RGS7: variants seen among roughly 807,000 people sequenced by gnomAD.
The protein encoded by RGS7 is regulator of G protein signaling 7.
RGS7 carries 27 observed loss-of-function variants against 81.1 expected under a neutral mutation model. The observed-to-expected ratio is 0.33, with a 90% CI of 0.25 to 0.46. RGS7 has a LOEUF of 0.46. Among genes scored for constraint, RGS7 ranks in the 20% least tolerant of loss-of-function variants. The probability of loss-of-function intolerance (pLI) is 1.00; values close to 1 mark genes in which losing one functional copy is unlikely to be tolerated. For missense variants in RGS7, 396 were observed against 607.4 expected, an observed-to-expected ratio of 0.65 and a Z score of 3.66; for synonymous variants, 208 against 207.7, an observed-to-expected ratio of 1.00 and a Z score of -0.01.
chr1:241,331,229 C>T (rs2081959798), intron 2 of RGS7, among the ~76,000 whole-genome samples: 1 of 152,126 alleles, frequency 6.6e-6, no homozygotes, highest in Non-Finnish European at 1.5e-5. Context: ...GAAGTAACCA[C>T]AAGGTCTGCA....
chr1:240,986,571 A>ATTT (rs1172119682), intron 3 of RGS7, among the ~76,000 whole-genome samples: 210 of 4,348 alleles, frequency 0.048, 94 homozygotes, highest in Non-Finnish European at 0.055. Context: ...CACCACTATT[A>ATTT]TTTTTTTTTT....
At chr1:240,995,455 T>G (rs1414936705) in intron 3 of RGS7, among the ~76,000 whole-genome samples, 1 of 152,180 alleles carries the variant, frequency 6.6e-6, no homozygotes, top group African/African-American at 2.4e-5. Flanking sequence ...ACCATGAACC[T>G]GGAGATTTTG....
intron 9 of RGS7, among the ~76,000 whole-genome samples, chr1:240,838,159 T>C (rs1695016284): frequency 6.6e-6 from 1 of 152,180 alleles, no homozygotes; most frequent in South Asian, 2.1e-4. Context: ...AAGTTCAAGA[T>C]CAAGGCAGTG....
At chr1:241,335,290 T>A (rs1336642240) in intron 2 of RGS7, among the ~76,000 whole-genome samples, 1 of 152,202 alleles carries the variant, frequency 6.6e-6, no homozygotes, top group Non-Finnish European at 1.5e-5. Flanking sequence ...CAACAGATTG[T>A]CCAAATCAAG....
chr1:240,887,317 C>T (rs1488374807), intron 6 of RGS7, among the ~76,000 whole-genome samples: 1 of 149,608 alleles, frequency 6.7e-6, no homozygotes, highest in East Asian at 2.0e-4. Flanking sequence ...CAAGCTCTGC[C>T]TCCTGGGTTC....
At chr1:241,205,031 C>T (rs1308990365) in intron 2 of RGS7, among the ~76,000 whole-genome samples, 1 of 150,630 alleles carries the variant, frequency 6.6e-6, no homozygotes, top group Admixed American at 6.6e-5. Context: ...TCATAAAATT[C>T]AAGGATCAGT....
In RGS7 at chr1:241,149,854, C is replaced by T. The variant is rs558546943; in HGVS notation, c.79-51092G>A. ...GTAGTGGTGGGATCTCAGCTCACTG[C>T]AACCTCCACCTCCAGGGTTCACATG... On this transcript the variant is annotated intron_variant, in intron 2 of 18. Coordinates refer to ENST00000440928, the MANE Select transcript of RGS7 (RefSeq NM_001364886.1). Among the ~76,000 whole-genome samples, 3 of 152,300 alleles carry T rather than the reference C, an allele frequency of 2.0e-5. No individual in the cohort carries two copies. The East Asian group carries it at 5.8e-4, about 29-fold the overall frequency.
chr1:241,112,062 A>G (rs1005821743), intron 2 of RGS7, among the ~76,000 whole-genome samples: 1 of 152,158 alleles, frequency 6.6e-6, no homozygotes, highest in African/African-American at 2.4e-5. Flanking sequence ...ATTCGAGCTT[A>G]ATATTCTTAT....
At chr1:241,116,161 G>A (rs1056283263) in intron 2 of RGS7, among the ~76,000 whole-genome samples, 6 of 152,018 alleles carry the variant, frequency 3.9e-5, no homozygotes, top group Non-Finnish European at 8.8e-5. Flanking sequence ...CTTTATAGCA[G>A]TATGAGAATG....
intron 2 of RGS7, among the ~76,000 whole-genome samples, chr1:241,331,902 GA>G (rs1379602866): frequency 4.6e-5 from 7 of 152,190 alleles, no homozygotes; most frequent in African/African-American, 1.7e-4. Context: ...ATAACATGCT[GA>G]GGGATTTCAG....
At position 241,271,983 on chromosome 1, in the gene RGS7, CTTTTT is replaced by C. The variant is rs201307171; in HGVS notation, c.78+83711_78+83715del. Reference sequence around the variant, plus strand: ...TGGAGAACCCTGACTACTAGAATTTCTTTTTTTTTTTTTTTATTTTTATTTTTTGA... The same window carrying C: ...TGGAGAACCCTGACTACTAGAATTTCTTTTTTTTTTATTTTTATTTTTTGA... On this transcript the variant is annotated intron_variant, in intron 2 of 18. Transcript: ENST00000440928. The surrounding 1 kb of genome is among the most constrained non-coding windows in gnomAD (Gnocchi z 4.6). 8.1e-6 allele frequency among the ~76,000 whole-genome samples: 1 copy of C among 124,134 alleles called. No individual in the cohort carries two copies. The highest frequency in any genetic ancestry group is 3.1e-5 in the African/African-American group (1 of 32,696). The allele number at this position is 124,134 out of a possible 152,430, so 81.4% of individuals were successfully genotyped here.
intron 2 of RGS7, among the ~76,000 whole-genome samples, chr1:241,228,875 A>ACAGTATTGTAGTT (rs2075480683): frequency 6.6e-6 from 1 of 152,178 alleles, no homozygotes; most frequent in South Asian, 2.1e-4. Flanking sequence ...GAATAAAACA[A>ACAGTATTGTAGTT]TGAAATTTGG....
Position 241,182,388 on chromosome 1 carries a change from G to A in RGS7, c.79-83626C>T, listed in dbSNP as rs533527678. Among the ~76,000 whole-genome samples, 100 of 152,216 alleles carry A rather than the reference G, an allele frequency of 6.6e-4. 1 individual carries two copies. Among genetic ancestry groups the A allele is most frequent in the African/African-American group, 2.3e-3 (95 of 41,530 alleles). On this transcript the variant is annotated intron_variant, in intron 2 of 18. Coordinates refer to ENST00000440928, the MANE Select transcript of RGS7 (RefSeq NM_001364886.1). ...AATGGAGACAGTATGCACCTCACCA[G>A]GCAACTGAGAGAATTGAATGAAGTC...
intron 3 of RGS7, among the ~76,000 whole-genome samples, chr1:241,005,771 G>A (rs759906674): frequency 3.9e-5 from 6 of 152,038 alleles, no homozygotes; most frequent in South Asian, 2.1e-4. Flanking sequence ...TCCTGACCTC[G>A]TGATCCACCC....
chr1:241,156,833 T>C (rs2069192499), intron 2 of RGS7, among the ~76,000 whole-genome samples: 1 of 152,204 alleles, frequency 6.6e-6, no homozygotes, highest in African/African-American at 2.4e-5. Context: ...ATTCTGATTG[T>C]GGAGTTCCCT....
At chr1:241,188,527 T>A (rs1309947535) in intron 2 of RGS7, among the ~76,000 whole-genome samples, 1 of 152,176 alleles carries the variant, frequency 6.6e-6, no homozygotes, top group Non-Finnish European at 1.5e-5. Context: ...AAAAATATAT[T>A]TTTTTCTTTT....
At chr1:241,154,426 C>T (rs1368136362) in intron 2 of RGS7, among the ~76,000 whole-genome samples, 2 of 152,086 alleles carry the variant, frequency 1.3e-5, no homozygotes, top group Non-Finnish European at 2.9e-5. Context: ...GGGGTGAGTC[C>T]AGGGGAAGAA....
rs188815708 is a variant in RGS7 at position 241,311,852 on chromosome 1, C to T, written c.78+43847G>A. On this transcript the variant is annotated intron_variant, in intron 2 of 18. Transcript: ENST00000440928. ...GGAAAACAAAACCCCAAAATAATTA[C>T]ATGAAAATCAACTGGTTCTCTTTGT... Among the ~76,000 whole-genome samples the T allele has an allele frequency of 2.5e-3, 388 of 152,280 alleles. 2 individuals carry two copies. Among genetic ancestry groups the T allele is most frequent in the African/African-American group, 9.1e-3 (379 of 41,562 alleles).
intron 3 of RGS7, among the ~76,000 whole-genome samples, chr1:241,053,802 A>G (rs2061361613): frequency 6.6e-6 from 1 of 152,168 alleles, no homozygotes. Flanking sequence ...GGTAGTGAAT[A>G]AGTCTCACAA....
Sources: allele counts gnomAD v4.1 joint callset (sites outside exome capture counted in the v4.1 genomes callset), GRCh38; gene constraint gnomAD v4.1.1; non-coding constraint Gnocchi (gnomAD v3.1); transcripts MANE v1.5; gene names NCBI Gene and HGNC (gene_info 2026-07-23, HGNC 2026-07-21).